Variants in BCAP29 observed in about 807,000 individuals in gnomAD.
The protein encoded by BCAP29 is B cell receptor associated protein 29.
BCAP29 carries 34 observed loss-of-function variants against 31.8 expected under a neutral mutation model. The observed-to-expected ratio is 1.07, with a 90% CI of 0.81 to 1.42. The LOEUF (loss-of-function observed/expected upper bound fraction) is 1.42, where lower values mean the gene tolerates loss of function less well. Ranked by LOEUF, BCAP29 falls within the 40% of genes most tolerant of loss-of-function variation. The pLI is 0.00. For missense variants in BCAP29, 314 were observed against 269.2 expected (o/e 1.17, Z -1.16); for synonymous variants, 104 against 91.3 (o/e 1.14, Z -0.79).
chr7:107,583,913 G>A lies in BCAP29; in HGVS notation c.124G>A (p.Gly42Ser), dbSNP rs1222838395. The A allele has an allele frequency of 1.3e-6, 2 of 1,579,484 alleles. No homozygotes were observed. The highest frequency in any genetic ancestry group is 1.7e-6 in the Non-Finnish European group (2 of 1,161,522). The change falls in exon 3 of 8, where the codon GGT (glycine) becomes AGT (serine). Residue 42 changes from glycine to serine, a missense_variant. Coordinates refer to ENST00000005259, the MANE Select transcript of BCAP29 (RefSeq NM_018844.4). ...GAAGATTTTTTCATTTAATGTCTGG[G>A]GTAAAATTGCAACTTTTTGGAACAA... ...WQKIFSFNVW[G>S]KIATFWNKAF...
At chr7:107,591,630 C>T (rs977898183) in intron 3 of BCAP29, among the ~76,000 whole-genome samples, 2 of 19,422 alleles carry the variant, frequency 1.0e-4, no homozygotes, top group African/African-American at 1.1e-3. Flanking sequence ...CCACTTTTCC[C>T]CATACACACA....
chr7:107,612,460 G>C (rs1253512412), intron 6 of BCAP29, among the ~76,000 whole-genome samples: 3 of 126,838 alleles, frequency 2.4e-5, no homozygotes, highest in Non-Finnish European at 4.8e-5. Context: ...TTCTATCTAA[G>C]GCCCTGAATC....
intron 6 of BCAP29, among the ~76,000 whole-genome samples, chr7:107,600,720 A>G (rs1212063436): frequency 2.6e-5 from 4 of 152,250 alleles, no homozygotes; most frequent in African/African-American, 9.6e-5. Flanking sequence ...TAGGTGTTTC[A>G]GATCTGTGTT....
chr7:107,601,950 A>G (rs994803069), intron 6 of BCAP29, among the ~76,000 whole-genome samples: 2 of 152,222 alleles, frequency 1.3e-5, no homozygotes, highest in African/African-American at 2.4e-5. Flanking sequence ...TCACCTTTCA[A>G]AAATTCCAGC....
At chr7:107,602,413 T>C (rs1811329793) in intron 6 of BCAP29, among the ~76,000 whole-genome samples, 1 of 152,132 alleles carries the variant, frequency 6.6e-6, no homozygotes, top group Non-Finnish European at 1.5e-5. Flanking sequence ...TAGTGCATGA[T>C]TTGGATGAAT....
rs954235656 is a variant in BCAP29, at chr7:107,580,883, G to A, written c.92+19G>A. On this transcript the variant is annotated intron_variant, in intron 2 of 7. Transcript: ENST00000005259. Reference sequence around the variant, plus strand: ...CTCAGAGGTAGGAAACCTTCAAATCGTTAACTAATAAATATTGGATCGCTC... The same window carrying A: ...CTCAGAGGTAGGAAACCTTCAAATCATTAACTAATAAATATTGGATCGCTC... 1.2e-5 allele frequency: 18 copies of A among 1,527,754 alleles called. No homozygotes were observed. Among genetic ancestry groups the A allele is most frequent in the Non-Finnish European group, 1.4e-5 (16 of 1,127,332 alleles). The allele number at this position is 1,527,754 out of a possible 1,614,324, so 94.6% of individuals were successfully genotyped here.
rs1814731437 is a variant in BCAP29 at position 107,619,585 on chromosome 7, A to T, written c.*1222A>T. 1 of 152,180 alleles carries T rather than the reference A, an allele frequency of 6.6e-6. No homozygotes were observed. Among genetic ancestry groups the T allele is most frequent in the Non-Finnish European group, 1.5e-5 (1 of 68,014 alleles). 9.4% of individuals were successfully genotyped at this position (152,180 alleles called of 1,614,324 possible). A position where few individuals can be genotyped will look rare whatever the true frequency, so the allele number is the denominator to read the frequency against. On this transcript the variant is annotated 3_prime_UTR_variant, in exon 8 of 8. Transcript: ENST00000005259. ...TACCTAAAAATTTTATTTCAGATAAAAGTCAGGAGTTACTGCTAAAAAACA... is the reference window on the plus strand; with the variant it reads ...TACCTAAAAATTTTATTTCAGATAATAGTCAGGAGTTACTGCTAAAAAACA...
intron 7 of BCAP29, among the ~76,000 whole-genome samples, chr7:107,614,872 T>G (rs1813834918): frequency 6.6e-6 from 1 of 152,212 alleles, no homozygotes; most frequent in South Asian, 2.1e-4. Context: ...ATTGCTGACC[T>G]CATTGGGGCA....
At chr7:107,613,197 G>A in intron 6 of BCAP29, 135 bp from the exon 7 acceptor site, 1 of 617,618 alleles carries the variant, frequency 1.6e-6, no homozygotes, top group Non-Finnish European at 2.8e-6. Context: ...GAGAGAATAT[G>A]ATAACAAATG....
At chr7:107,604,385 T>A (rs1811707238) in intron 6 of BCAP29, among the ~76,000 whole-genome samples, 1 of 152,174 alleles carries the variant, frequency 6.6e-6, no homozygotes, top group South Asian at 2.1e-4. Flanking sequence ...ACAGGGGAAT[T>A]GCTGATCTGT....
chr7:107,594,379 G>C (rs1809423283), intron 4 of BCAP29, among the ~76,000 whole-genome samples: 1 of 151,640 alleles, frequency 6.6e-6, no homozygotes, highest in Admixed American at 6.6e-5. Context: ...GTAGAGATGG[G>C]GTCTCACTGT....
intron 6 of BCAP29, chr7:107,603,571 G>C (rs1811553469): frequency 6.8e-6 from 1 of 147,818 alleles, no homozygotes; most frequent in Non-Finnish European, 1.5e-5. Flanking sequence ...GTTTGTTCCT[G>C]CTTTCCTTTG....
chr7:107,612,391 T>TATA (rs1813284355), intron 6 of BCAP29, among the ~76,000 whole-genome samples: 1 of 30,874 alleles, frequency 3.2e-5, no homozygotes, highest in Non-Finnish European at 6.0e-5. Flanking sequence ...ATGTATTGTT[T>TATA]TATATATATA....
At chr7:107,594,794 G>A (rs924348420) in intron 4 of BCAP29, among the ~76,000 whole-genome samples, 13 of 152,120 alleles carry the variant, frequency 8.5e-5, no homozygotes, top group Non-Finnish European at 1.9e-4. Flanking sequence ...GAGCCAACGC[G>A]CCCGGCCTGT....
At chr7:107,599,176 TTAAA>T (rs1451176196) in intron 5 of BCAP29, among the ~76,000 whole-genome samples, 9 of 51,548 alleles carry the variant, frequency 1.7e-4, no homozygotes, top group African/African-American at 7.2e-4. Context: ...TATAAATATA[TTAAA>T]ATTTATATGT....
intron 2 of BCAP29, among the ~76,000 whole-genome samples, chr7:107,582,118 C>T (rs904135654): frequency 1.3e-5 from 2 of 152,070 alleles, no homozygotes; most frequent in African/African-American, 4.8e-5. Flanking sequence ...CCTATATACT[C>T]AAGAGAAAGA....
intron 2 of BCAP29, among the ~76,000 whole-genome samples, chr7:107,582,781 C>T (rs902857148): frequency 6.6e-5 from 10 of 152,144 alleles, no homozygotes; most frequent in African/African-American, 2.4e-4. Flanking sequence ...TACACCACAC[C>T]AAACCTTGAA....
chr7:107,591,351 C>T (rs1808721066), intron 3 of BCAP29, among the ~76,000 whole-genome samples: 1 of 152,092 alleles, frequency 6.6e-6, no homozygotes, highest in Non-Finnish European at 1.5e-5. Flanking sequence ...CAGATTTCAA[C>T]AGTAAAGGGG....
At chr7:107,612,441 T>TATATATATA (rs1554480161) in intron 6 of BCAP29, among the ~76,000 whole-genome samples, 1 of 94,216 alleles carries the variant, frequency 1.1e-5, no homozygotes, top group Non-Finnish European at 2.3e-5. Context: ...ATATATATAT[T>TATATATATA]TATTTTACTT....
Sources: allele counts gnomAD v4.1 joint callset (sites outside exome capture counted in the v4.1 genomes callset), GRCh38; gene constraint gnomAD v4.1.1; transcripts MANE v1.5; gene names NCBI Gene and HGNC (gene_info 2026-07-23, HGNC 2026-07-21).